PTPN13: variants seen among roughly 807,000 people sequenced by gnomAD.
PTPN13 encodes protein tyrosine phosphatase non-receptor type 13, also known as tyrosine-protein phosphatase non-receptor type 13.
Under a neutral mutation model 284.0 loss-of-function variants are expected in PTPN13, and 191 were observed. That is an observed-to-expected ratio of 0.67 (90% CI 0.60 to 0.76). The LOEUF (loss-of-function observed/expected upper bound fraction) is 0.76, where lower values mean the gene tolerates loss of function less well. Among genes scored for constraint, PTPN13 ranks in the 30% least tolerant of loss-of-function variants. PTPN13 has a pLI of 0.00. For missense variants in PTPN13, 2,797 were observed against 2,939.9 expected (o/e 0.95, Z 1.12); for synonymous variants, 986 against 1,022.3 (o/e 0.96, Z 0.68).
In PTPN13 at chr4:86,807,917, C is replaced by T; in HGVS notation, c.7083+20C>T. ...ATTCAGGTAAGTGAATGAAATCTTT[C>T]CCTGTTGGAAGGTGTATCTCCTAGT... On this transcript the variant is annotated intron_variant, in intron 45 of 47. Coordinates refer to ENST00000411767, the MANE Select transcript of PTPN13 (RefSeq NM_080683.3). The T allele has an allele frequency of 1.3e-6, 2 of 1,583,906 alleles. No individual in the cohort carries two copies. Among genetic ancestry groups the T allele is most frequent in the South Asian group, 2.3e-5 (2 of 86,566 alleles).
At chr4:86,644,791 A>G (rs1480479184) in intron 2 of PTPN13, among the ~76,000 whole-genome samples, 1 of 152,216 alleles carries the variant, frequency 6.6e-6, no homozygotes, top group Non-Finnish European at 1.5e-5. Flanking sequence ...GATTAGTTGA[A>G]CTTTCACAAA....
chr4:86,731,277 T>G (rs1734928375), intron 10 of PTPN13, among the ~76,000 whole-genome samples: 1 of 152,212 alleles, frequency 6.6e-6, no homozygotes, highest in Non-Finnish European at 1.5e-5. Context: ...CAGTCTTTTC[T>G]CAACCCTTCT....
At chr4:86,813,222 A>G (rs1745433620) in intron 47 of PTPN13, among the ~76,000 whole-genome samples, 1 of 152,192 alleles carries the variant, frequency 6.6e-6, no homozygotes. Flanking sequence ...TAGCTCACAC[A>G]TGTAGCTATT....
At chr4:86,657,398 A>G (rs758876126) in intron 2 of PTPN13, among the ~76,000 whole-genome samples, 32 of 152,032 alleles carry the variant, frequency 2.1e-4, no homozygotes, top group Non-Finnish European at 4.3e-4. Context: ...CCCTAAATAC[A>G]CTGCCTTGGT....
chr4:86,794,153 C>T (rs1211359710), intron 40 of PTPN13, among the ~76,000 whole-genome samples: 1 of 151,936 alleles, frequency 6.6e-6, no homozygotes, highest in Non-Finnish European at 1.5e-5. Context: ...TTTAGAAAAC[C>T]CCATCGTCTC....
chr4:86,761,863 CTTG>C (rs959606594), intron 23 of PTPN13, among the ~76,000 whole-genome samples: 2 of 152,244 alleles, frequency 1.3e-5, no homozygotes. Context: ...TAATTTTTCC[CTTG>C]TTGTCAATTA....
chr4:86,791,748 C>T (rs890729767), intron 40 of PTPN13, among the ~76,000 whole-genome samples: 1 of 152,184 alleles, frequency 6.6e-6, no homozygotes, highest in Non-Finnish European at 1.5e-5. Flanking sequence ...CAAACTCCAA[C>T]AGACCTGCAG....
At chr4:86,813,372 A>T (rs907690091) in intron 47 of PTPN13, among the ~76,000 whole-genome samples, 2 of 152,264 alleles carry the variant, frequency 1.3e-5, no homozygotes, top group Non-Finnish European at 2.9e-5. Context: ...ATTTCACCAA[A>T]GGAGTTCATT....
chr4:86,716,980 G>T, intron 8 of PTPN13, 44 bp from the exon 9 acceptor site: 2 of 1,358,246 alleles, frequency 1.5e-6, no homozygotes, highest in Non-Finnish European at 1.0e-6. Context: ...TTACTCTCAT[G>T]TTTCTATCAC....
At chr4:86,800,910 T>G (rs1392001692) in intron 42 of PTPN13, among the ~76,000 whole-genome samples, 2 of 152,188 alleles carry the variant, frequency 1.3e-5, no homozygotes, top group Non-Finnish European at 2.9e-5. Flanking sequence ...AATTTTGTAT[T>G]CCCAGCCAAC....
Position 86,734,719 on chromosome 4 carries a change from G to T in PTPN13, c.2013-18G>T. On this transcript the variant is annotated intron_variant, in intron 13 of 47. Transcript: ENST00000411767. ...CAAAATCAAAGGCCAAGATGTCTGT[G>T]TGTGTTTGTTTTTTCAGACATACTC... 1 of 1,601,580 alleles carries T rather than the reference G, an allele frequency of 6.2e-7. No individual in the cohort carries two copies. The highest frequency in any genetic ancestry group is 8.5e-7 in the Non-Finnish European group (1 of 1,171,116).
At chr4:86,742,469 G>A (rs1047990150) in intron 16 of PTPN13, among the ~76,000 whole-genome samples, 7 of 152,168 alleles carry the variant, frequency 4.6e-5, no homozygotes, top group African/African-American at 1.7e-4. Context: ...ATATGTTCAG[G>A]TGTTTGTTTT....
In PTPN13 at chr4:86,750,609, G is replaced by T; in HGVS notation, c.2790G>T (p.Glu930Asp). ...LAVRPLSVQA[E>D]ILKRLSCSEL... is the part of the protein sequence containing the mutation. ...TTCGACCTTTATCAGTTCAAGCTGA[G>T]ATTCTGAAGAGGCTATCCTGCTCAG... The change falls in exon 18 of 48, where the codon GAG becomes GAT. Residue 930 changes from glutamate (E) to aspartate (D), a missense_variant. Physicochemically the swap from Glu to Asp is conservative, Grantham distance 45. Coordinates refer to ENST00000411767, the MANE Select transcript of PTPN13 (RefSeq NM_080683.3). The T allele has an allele frequency of 6.2e-7, 1 of 1,613,964 alleles. No homozygotes were observed. Among genetic ancestry groups the T allele is most frequent in the East Asian group, 2.2e-5 (1 of 44,868 alleles).
At chr4:86,751,469 G>A (rs113025567) in intron 19 of PTPN13, among the ~76,000 whole-genome samples, 3 of 152,180 alleles carry the variant, frequency 2.0e-5, no homozygotes, top group South Asian at 2.1e-4. Flanking sequence ...CTACAGGAAC[G>A]CAGTACCACA....
At chr4:86,758,632 T>A (rs1381258491) in intron 21 of PTPN13, 46 bp from the exon 22 acceptor site, 3 of 1,505,780 alleles carry the variant, frequency 2.0e-6, no homozygotes, top group Non-Finnish European at 2.8e-6. Context: ...CATTAGTCTT[T>A]GAAAGCAGCA....
At chr4:86,810,401 T>C (rs28648374) in intron 46 of PTPN13, among the ~76,000 whole-genome samples, 5,185 of 152,174 alleles carry the variant, frequency 0.034, 155 homozygotes, top group Non-Finnish European at 0.053. Context: ...GTAAAAAATG[T>C]ATATTTTATT....
At chr4:86,728,653 T>TAA (rs1734577711) in intron 10 of PTPN13, among the ~76,000 whole-genome samples, 1 of 98,916 alleles carries the variant, frequency 1.0e-5, no homozygotes, top group African/African-American at 4.0e-5. Context: ...CTTTTTTTTT[T>TAA]TTTTTTTTTT....
At chr4:86,789,676 T>C (rs567206352) in intron 40 of PTPN13, among the ~76,000 whole-genome samples, 1 of 152,138 alleles carries the variant, frequency 6.6e-6, no homozygotes, top group African/African-American at 2.4e-5. Context: ...AAAAAAAATC[T>C]TAAATATATT....
chr4:86,687,210 G>T (rs1398169763), intron 4 of PTPN13, among the ~76,000 whole-genome samples: 1 of 152,136 alleles, frequency 6.6e-6, no homozygotes, highest in African/African-American at 2.4e-5. Context: ...TCAGAGTGTT[G>T]TATTAGAGAA....
Sources: allele counts gnomAD v4.1 joint callset (sites outside exome capture counted in the v4.1 genomes callset), GRCh38; gene constraint gnomAD v4.1.1; transcripts MANE v1.5; gene names NCBI Gene and HGNC (gene_info 2026-07-23, HGNC 2026-07-21).